LAMA4: variants seen among roughly 807,000 people sequenced by gnomAD.
LAMA4 encodes laminin subunit alpha-4.
Under a neutral mutation model 207.1 loss-of-function variants are expected in LAMA4, and 127 were observed. That is an observed-to-expected ratio of 0.61 (90% confidence interval 0.53 to 0.71). LAMA4 has a LOEUF of 0.71. Ranked by LOEUF, LAMA4 falls within the 30% of genes least tolerant of loss-of-function variation. The probability of loss-of-function intolerance (pLI) is 0.00; values close to 1 mark genes in which losing one functional copy is unlikely to be tolerated. For missense variants in LAMA4, 2,093 were observed against 2,246.5 expected, an observed-to-expected ratio of 0.93 and a Z score of 1.38; for synonymous variants, 761 against 816.0, an observed-to-expected ratio of 0.93 and a Z score of 1.15.
intron 28 of LAMA4, 147 bp downstream of exon 28, chr6:112,132,606 G>T (rs1281093619): frequency 1.4e-6 from 1 of 726,062 alleles, no homozygotes; most frequent in South Asian, 1.8e-5. Flanking sequence ...ATTTTATAAA[G>T]TGTTTGAAAT....
Position 112,122,175 on chromosome 6 carries a change from T to G in LAMA4, c.4314A>C (p.Ser1438=), listed in dbSNP as rs77367833. The G allele has an allele frequency of 4.6e-4, 749 of 1,613,812 alleles. 4 individuals carry two copies. In the African/African-American group the frequency reaches 9.1e-3, roughly 20 times the overall value. The change falls in exon 32 of 39, where the codon TCA becomes TCC. Residue 1438 remains serine, a synonymous_variant. Transcript: ENST00000230538. ...KKGGKSKDAP[S]WDPVALKLPE... ...GGAGTTTCAGAGCAACAGGATCCCATGAAGGTGCATCTTTACTTTTCCCTC... is the reference window on the plus strand; with the variant it reads ...GGAGTTTCAGAGCAACAGGATCCCAGGAAGGTGCATCTTTACTTTTCCCTC...
At chr6:112,183,697 T>A (rs1254022663) in intron 9 of LAMA4, among the ~76,000 whole-genome samples, 5 of 152,108 alleles carry the variant, frequency 3.3e-5, no homozygotes, top group Non-Finnish European at 7.4e-5. Flanking sequence ...ATGCCTGTAA[T>A]CCTAGCACTT....
intron 2 of LAMA4, among the ~76,000 whole-genome samples, chr6:112,226,814 T>A (rs182795180): frequency 6.6e-6 from 1 of 152,300 alleles, no homozygotes; most frequent in East Asian, 1.9e-4. Flanking sequence ...TACAAATGAA[T>A]CTTTTAAATA....
At chr6:112,152,851 C>G (rs1331992584) in intron 16 of LAMA4, among the ~76,000 whole-genome samples, 5 of 151,960 alleles carry the variant, frequency 3.3e-5, no homozygotes, top group African/African-American at 1.2e-4. Context: ...TTTCAATTCC[C>G]AAACATTATA....
At chr6:112,216,663 A>C (rs1784644141) in intron 2 of LAMA4, 194 bp from the exon 3 acceptor site, 2 of 590,702 alleles carry the variant, frequency 3.4e-6, no homozygotes, top group African/African-American at 1.9e-5. Context: ...TGTATATATA[A>C]TCTTCTTTGT....
At chr6:112,155,256 T>C in intron 15 of LAMA4, 1 of 562,366 alleles carries the variant, frequency 1.8e-6, no homozygotes, top group Non-Finnish European at 3.1e-6. Context: ...AAAATATAAA[T>C]GAATGCATAA....
At chr6:112,143,412 G>A (rs926090904) in intron 19 of LAMA4, among the ~76,000 whole-genome samples, 2 of 151,710 alleles carry the variant, frequency 1.3e-5, no homozygotes, top group African/African-American at 4.8e-5. Context: ...AGCCTCCTGA[G>A]TAACTGGGAC....
chr6:112,241,100 T>TATATATATATGA (rs1786395027), intron 2 of LAMA4, among the ~76,000 whole-genome samples: 1 of 81,158 alleles, frequency 1.2e-5, no homozygotes, highest in Non-Finnish European at 3.7e-5. Context: ...GTCACATGAA[T>TATATATATATGA]ATATATATAT....
intron 5 of LAMA4, among the ~76,000 whole-genome samples, chr6:112,199,013 G>A (rs1000590620): frequency 2.0e-5 from 3 of 152,174 alleles, no homozygotes; most frequent in Non-Finnish European, 4.4e-5. Flanking sequence ...CCAGGCTAAT[G>A]CTCAAATCTC....
At chr6:112,220,524 A>G (rs116364064) in intron 2 of LAMA4, among the ~76,000 whole-genome samples, 2,369 of 152,280 alleles carry the variant, frequency 0.016, 71 homozygotes, top group African/African-American at 0.054. Context: ...ATGACAGGAC[A>G]TGTTGTTATC....
At chr6:112,209,398 A>G (rs1554355627) in intron 3 of LAMA4, among the ~76,000 whole-genome samples, 1 of 152,222 alleles carries the variant, frequency 6.6e-6, no homozygotes, top group African/African-American at 2.4e-5. Context: ...AGCCATGGGA[A>G]GCAGTGACCC....
intron 28 of LAMA4, 39 bp from the exon 29 acceptor site, chr6:112,131,140 G>C: frequency 6.2e-7 from 1 of 1,603,808 alleles, no homozygotes; most frequent in East Asian, 2.2e-5. Flanking sequence ...GGGAGTCTAG[G>C]GATCCAAAAG....
Position 112,113,114 on chromosome 6 carries a change from G to A in LAMA4, c.5326+962C>T, listed in dbSNP as rs587658347. Among the ~76,000 whole-genome samples the A allele has an allele frequency of 4.6e-5, 7 of 152,168 alleles. No individual in the cohort carries two copies. In the East Asian group the frequency reaches 1.3e-3, roughly 29 times the overall value. On this transcript the variant is annotated intron_variant, in intron 38 of 38. Transcript: ENST00000230538. Reference sequence around the variant, plus strand: ...TTTCTAGAATTTCATAGTACAATAGGGAAATTATAGTTAAGGATAATTTAT... The same window carrying A: ...TTTCTAGAATTTCATAGTACAATAGAGAAATTATAGTTAAGGATAATTTAT...
chr6:112,108,761 C>G lies in LAMA4; in HGVS notation c.*676G>C, dbSNP rs2114525323. ...TAATAATAACCTACAGAAGCCTCCT[C>G]TCATGTACAATTTTATTTTTCTTTT... On this transcript the variant is annotated 3_prime_UTR_variant, in exon 39 of 39. Coordinates refer to ENST00000230538, the MANE Select transcript of LAMA4 (RefSeq NM_001105206.3). The G allele has an allele frequency of 6.6e-6, 1 of 152,464 alleles. No individual in the cohort carries two copies. The highest frequency in any genetic ancestry group is 2.4e-5 in the African/African-American group (1 of 41,556). 9.4% of individuals were successfully genotyped at this position (152,464 alleles called of 1,614,324 possible). A position where few individuals can be genotyped will look rare whatever the true frequency, so the allele number is the denominator to read the frequency against.
intron 16 of LAMA4, among the ~76,000 whole-genome samples, chr6:112,154,374 A>G: frequency 6.6e-6 from 1 of 151,092 alleles, no homozygotes; most frequent in Non-Finnish European, 1.5e-5. Context: ...AAAAAAAAAA[A>G]AGAAAAGCAA....
chr6:112,172,545 G>A, intron 12 of LAMA4, 66 bp downstream of exon 12: 1 of 1,451,080 alleles, frequency 6.9e-7, no homozygotes, highest in Middle Eastern at 2.4e-4. Context: ...TATATCAACA[G>A]CCCCTTCTTG....
At chr6:112,186,700 A>G (rs900545051) in intron 8 of LAMA4, 25 of 438,414 alleles carry the variant, frequency 5.7e-5, no homozygotes, top group Admixed American at 1.0e-4. Flanking sequence ...CACAATGTCA[A>G]TGCTGTGTAA....
At chr6:112,251,555 T>A (rs1373732686) in intron 2 of LAMA4, 1 of 152,264 alleles carries the variant, frequency 6.6e-6, no homozygotes, top group Non-Finnish European at 1.5e-5. Context: ...CTCCCATGAA[T>A]AATGTGTCCG....
chr6:112,172,588 T>C lies in LAMA4; in HGVS notation c.1551+23A>G, dbSNP rs144948073. ...ATCACACTGCTGATGCTGAAATGCA[T>C]TGATGGTGAGTGTCCGCTGTACCTC... On this transcript the variant is annotated intron_variant, in intron 12 of 38. Coordinates refer to ENST00000230538, the MANE Select transcript of LAMA4 (RefSeq NM_001105206.3). The C allele has an allele frequency of 4.1e-4, 660 of 1,610,222 alleles. 1 individual carries two copies. The highest frequency in any genetic ancestry group is 8.8e-4 in the Middle Eastern group (4 of 4,560).
Sources: gnomAD v4.1 joint callset for allele counts (sites outside exome capture counted in the v4.1 genomes callset) on GRCh38, gnomAD v4.1.1 for gene constraint, MANE v1.5 for transcripts, NCBI Gene and HGNC (gene_info 2026-07-23, HGNC 2026-07-21) for gene names.